Variants in YWHAG observed in about 807,000 individuals in gnomAD.
The protein encoded by YWHAG is tyrosine 3-monooxygenase/tryptophan 5-monooxygenase activation protein gamma.
A neutral mutation model predicts 23.3 loss-of-function variants in YWHAG; 1 was observed. The observed-to-expected ratio is 0.04, with a 90% CI of 0.02 to 0.20. YWHAG has a LOEUF of 0.20. Ranked by LOEUF, YWHAG falls within the 10% of genes least tolerant of loss-of-function variation. The pLI, the probability that YWHAG is intolerant of heterozygous loss-of-function variation, is 1.00. For synonymous variants in YWHAG, 160 were observed against 144.0 expected, an observed-to-expected ratio of 1.11 and a Z score of -0.80; for missense variants, 151 against 338.6, an observed-to-expected ratio of 0.45 and a Z score of 4.35.
chr7:76,349,929 G>A (rs1477230398), intron 1 of YWHAG, among the ~76,000 whole-genome samples: 1 of 152,158 alleles, frequency 6.6e-6, no homozygotes, highest in Non-Finnish European at 1.5e-5. Context: ...AGGAGGGGGA[G>A]GTTGCAGTGA....
rs1803508312 is a variant in YWHAG, at chr7:76,329,497, C to G, written c.*80G>C. 1 of 1,193,068 alleles carries G rather than the reference C, an allele frequency of 8.4e-7. No individual in the cohort carries two copies. 73.9% of individuals were successfully genotyped at this position (1,193,068 alleles called of 1,614,324 possible). A position where few individuals can be genotyped will look rare whatever the true frequency, so the allele number is the denominator to read the frequency against. ...AAGGTCATCCCTCCCTTTCCCTCCC[C>G]CACCCGACCCCCAACTCATGGGAAA... On this transcript the variant is annotated 3_prime_UTR_variant, in exon 2 of 2. Coordinates refer to ENST00000307630, the MANE Select transcript of YWHAG (RefSeq NM_012479.4). This position sits in a 1 kb window ranked among gnomAD's most constrained non-coding sequence, Gnocchi z 6.1.
chr7:76,352,806 T>A (rs765361529), intron 1 of YWHAG, among the ~76,000 whole-genome samples: 1 of 152,092 alleles, frequency 6.6e-6, no homozygotes, highest in Non-Finnish European at 1.5e-5. Context: ...TGCGCCACCA[T>A]GCCCAGCTAA....
chr7:76,339,811 A>C (rs1366744894), intron 1 of YWHAG, among the ~76,000 whole-genome samples: 1 of 152,028 alleles, frequency 6.6e-6, no homozygotes, highest in African/African-American at 2.4e-5. Context: ...ATTTTCTGCC[A>C]AGTGCGGCGG....
At chr7:76,353,129 C>T (rs956342943) in intron 1 of YWHAG, among the ~76,000 whole-genome samples, 10 of 152,218 alleles carry the variant, frequency 6.6e-5, no homozygotes, top group African/African-American at 2.4e-4. Context: ...TTAAGATTTA[C>T]AATTTTTATT....
rs1299442468 is a variant in YWHAG, at chr7:76,328,667, A to G, written c.*910T>C. On this transcript the variant is annotated 3_prime_UTR_variant, in exon 2 of 2. Transcript: ENST00000307630. Reference sequence around the variant, plus strand: ...GAGCTGCAGCAGCTTCAGAAGCGGGATGTTCTCTGAAAATACCAACACGAT... The same window carrying G: ...GAGCTGCAGCAGCTTCAGAAGCGGGGTGTTCTCTGAAAATACCAACACGAT... The G allele has an allele frequency of 6.6e-6, 1 of 152,178 alleles. No homozygotes were observed. Among genetic ancestry groups the G allele is most frequent in the East Asian group, 1.9e-4 (1 of 5,198 alleles). 9.4% of individuals were successfully genotyped at this position (152,178 alleles called of 1,614,324 possible). A position where few individuals can be genotyped will look rare whatever the true frequency, so the allele number is the denominator to read the frequency against.
chr7:76,338,791 G>A (rs1313599957), intron 1 of YWHAG, among the ~76,000 whole-genome samples: 1 of 152,158 alleles, frequency 6.6e-6, no homozygotes, highest in Non-Finnish European at 1.5e-5. Flanking sequence ...CAATGCCAAG[G>A]CTTCATTGTG....
chr7:76,354,260 CA>C (rs1329972936), intron 1 of YWHAG, among the ~76,000 whole-genome samples: 1 of 152,148 alleles, frequency 6.6e-6, no homozygotes, highest in Non-Finnish European at 1.5e-5. Context: ...CCTGTAATCC[CA>C]GCACTTTGGG....
At chr7:76,346,260 C>T (rs999156692) in intron 1 of YWHAG, among the ~76,000 whole-genome samples, 3 of 152,220 alleles carry the variant, frequency 2.0e-5, no homozygotes, top group African/African-American at 7.2e-5. Flanking sequence ...TTCCTCGTTC[C>T]AGTCACTACT....
chr7:76,331,351 G>A (rs896097483), intron 1 of YWHAG, among the ~76,000 whole-genome samples: 2 of 151,294 alleles, frequency 1.3e-5, no homozygotes, highest in African/African-American at 4.9e-5. Context: ...CCATTGTTCC[G>A]TGTTGATCAA....
intron 1 of YWHAG, among the ~76,000 whole-genome samples, chr7:76,340,947 G>A (rs576080693): frequency 1.3e-4 from 20 of 152,266 alleles, no homozygotes; most frequent in Non-Finnish European, 2.2e-4. Flanking sequence ...TATGATCAGG[G>A]CCCACTGCAG....
rs2115588958 is a variant in YWHAG at position 76,330,108 on chromosome 7, A to G, written c.213T>C (p.Ser71=). The G allele has an allele frequency of 6.2e-7, 1 of 1,614,106 alleles. No homozygotes were observed. Among genetic ancestry groups the G allele is most frequent in the East Asian group, 2.2e-5 (1 of 44,878 alleles). ...CAATCTTCTTCTCATTGCCGTCTGCAGATGTCTTCTGCTCAATGCTACTGA... is the reference window on the plus strand; with the variant it reads ...CAATCTTCTTCTCATTGCCGTCTGCGGATGTCTTCTGCTCAATGCTACTGA... The part of the protein sequence containing the change: ...RVISSIEQKT[S]ADGNEKKIEM... The change falls in exon 2 of 2, where the codon TCT becomes TCC. Residue 71 remains serine, a synonymous_variant. Transcript: ENST00000307630.
At chr7:76,345,403 G>A (rs915510431) in intron 1 of YWHAG, among the ~76,000 whole-genome samples, 2 of 151,862 alleles carry the variant, frequency 1.3e-5, no homozygotes, top group Admixed American at 6.6e-5. Context: ...AGCCAGGATA[G>A]TCTCAATCTC....
intron 1 of YWHAG, among the ~76,000 whole-genome samples, chr7:76,332,602 C>T (rs1286757117): frequency 1.3e-5 from 2 of 152,164 alleles, no homozygotes; most frequent in Non-Finnish European, 2.9e-5. Context: ...CTCACTGCAG[C>T]CTCAAACTAC....
At chr7:76,342,286 G>A (rs376478529) in intron 1 of YWHAG, among the ~76,000 whole-genome samples, 6 of 152,108 alleles carry the variant, frequency 3.9e-5, no homozygotes, top group East Asian at 3.9e-4. Context: ...CCACCAATAC[G>A]GAGGAAAAAG....
intron 1 of YWHAG, among the ~76,000 whole-genome samples, chr7:76,344,189 C>T (rs1025107407): frequency 2.0e-5 from 3 of 152,046 alleles, no homozygotes; most frequent in Non-Finnish European, 4.4e-5. Context: ...CGGCTCACTG[C>T]AGCCTCCACC....
At chr7:76,334,188 A>C (rs953359963) in intron 1 of YWHAG, among the ~76,000 whole-genome samples, 1 of 152,242 alleles carries the variant, frequency 6.6e-6, no homozygotes, top group African/African-American at 2.4e-5. Context: ...AAAATCCTTT[A>C]TCCTTTAGAT....
chr7:76,330,269 G>GA, intron 1 of YWHAG, 36 bp from the exon 2 acceptor site: 2 of 1,589,250 alleles, frequency 1.3e-6, no homozygotes, highest in Non-Finnish European at 1.7e-6. Context: ...TTATGGTACA[G>GA]ATGGTGTCCA....
chr7:76,336,223 C>T (rs904233488), intron 1 of YWHAG, among the ~76,000 whole-genome samples: 2 of 152,160 alleles, frequency 1.3e-5, no homozygotes, highest in Non-Finnish European at 2.9e-5. Context: ...CAGGTGGTGG[C>T]TACATGCCTC....
chr7:76,346,521 T>C (rs370323380), intron 1 of YWHAG, among the ~76,000 whole-genome samples: 1 of 152,236 alleles, frequency 6.6e-6, no homozygotes, highest in Non-Finnish European at 1.5e-5. Context: ...AATTGACCTG[T>C]AGCCAAGTTA....
Sources: gnomAD v4.1 joint callset for allele counts (sites outside exome capture counted in the v4.1 genomes callset) on GRCh38, gnomAD v4.1.1 for gene constraint, Gnocchi (gnomAD v3.1) non-coding constraint, MANE v1.5 for transcripts, NCBI Gene and HGNC (gene_info 2026-07-23, HGNC 2026-07-21) for gene names.